The following AGAP1 variants were observed in gnomAD, a reference collection of about 807,000 sequenced individuals.
The protein encoded by AGAP1 is ArfGAP with GTPase domain, ankyrin repeat and PH domain 1, also known as arf-GAP with GTPase, ANK repeat and PH domain-containing protein 1.
Under a neutral mutation model 105.3 loss-of-function variants are expected in AGAP1, and 29 were observed. The observed-to-expected ratio is 0.28, with a 90% CI of 0.21 to 0.38. The LOEUF is 0.38. Ranked by LOEUF, AGAP1 falls within the 10% of genes least tolerant of loss-of-function variation. The probability of loss-of-function intolerance (pLI) is 1.00; values close to 1 mark genes in which losing one functional copy is unlikely to be tolerated. For missense variants in AGAP1, 998 were observed against 1,165.1 expected, an observed-to-expected ratio of 0.86 and a Z score of 2.09; for synonymous variants, 509 against 485.9, an observed-to-expected ratio of 1.05 and a Z score of -0.63.
intron 9 of AGAP1, among the ~76,000 whole-genome samples, chr2:235,841,308 C>T (rs975131710): frequency 2.0e-5 from 3 of 152,114 alleles, no homozygotes; most frequent in Admixed American, 6.6e-5. Context: ...ACTAGGAAAC[C>T]CTAGAGTAGA....
At chr2:235,513,854 G>A (rs1942260080) in intron 1 of AGAP1, among the ~76,000 whole-genome samples, 1 of 152,152 alleles carries the variant, frequency 6.6e-6, no homozygotes, top group Non-Finnish European at 1.5e-5. Flanking sequence ...ATGTCCATGA[G>A]GTTGGAGTCC....
rs184535689 is a variant in AGAP1, at chr2:235,500,676, G to A, written c.163+5827G>A. Among the ~76,000 whole-genome samples, 12 of 152,292 alleles carry A rather than the reference G, an allele frequency of 7.9e-5. No homozygotes were observed. In the East Asian group the frequency reaches 2.3e-3, roughly 29 times the overall value. Reference sequence around the variant, plus strand: ...CGAGGGACTTAAACCAGATCTGAATGGTTTCAAGCTGGTGTTCATGTGATC... The same window carrying A: ...CGAGGGACTTAAACCAGATCTGAATAGTTTCAAGCTGGTGTTCATGTGATC... On this transcript the variant is annotated intron_variant, in intron 1 of 17. Transcript: ENST00000304032.
rs975225398 is a variant in AGAP1 at position 235,747,391 on chromosome 2, G to A, written c.538+2552G>A. ...AGGAAGGCCCCAGGGGAGTGTGTGCGTGTGCGAGGGTGGCCTCTGGGGTTG... is the reference window on the plus strand; with the variant it reads ...AGGAAGGCCCCAGGGGAGTGTGTGCATGTGCGAGGGTGGCCTCTGGGGTTG... On this transcript the variant is annotated intron_variant, in intron 5 of 17. Transcript: ENST00000304032. This position sits in a 1 kb window ranked among gnomAD's most constrained non-coding sequence, Gnocchi z 5.0. Among the ~76,000 whole-genome samples the A allele has an allele frequency of 8.5e-5, 13 of 152,300 alleles. No homozygotes were observed. The highest frequency in any genetic ancestry group is 1.9e-4 in the East Asian group (1 of 5,174).
At chr2:235,811,965 C>A (rs1448656237) in intron 9 of AGAP1, among the ~76,000 whole-genome samples, 1 of 152,192 alleles carries the variant, frequency 6.6e-6, no homozygotes. Context: ...GAGGCAACAG[C>A]CCTGTTGACA....
rs2052523366 is a variant in AGAP1, at chr2:235,927,745, T to C, written c.1325-3020T>C. Among the ~76,000 whole-genome samples the C allele has an allele frequency of 6.6e-6, 1 of 152,232 alleles. No individual in the cohort carries two copies. The highest frequency in any genetic ancestry group is 2.4e-5 in the African/African-American group (1 of 41,458). ...AAAGGAAATTGTTCTGGAAGGTTTC[T>C]AGGCCTGGTTGTCATCGGAGAACCA... On this transcript the variant is annotated intron_variant, in intron 11 of 17. Transcript: ENST00000304032. The surrounding 1 kb of genome is among the most constrained non-coding windows in gnomAD (Gnocchi z 4.4).
In AGAP1 at chr2:236,036,762, G is replaced by T. The variant is rs750225573; in HGVS notation, c.1800+47G>T. On this transcript the variant is annotated intron_variant, in intron 14 of 17. Coordinates refer to ENST00000304032, the MANE Select transcript of AGAP1 (RefSeq NM_001037131.3). This position sits in a 1 kb window ranked among gnomAD's most constrained non-coding sequence, Gnocchi z 5.7. ...AACCAAGGCTGGGGCTGCTCAGGGG[G>T]AGTGCGGGCCCCAAGTAATGCCCCA... is the stretch of plus-strand genomic sequence containing the variant. 4 of 1,609,688 alleles carry T rather than the reference G, an allele frequency of 2.5e-6. No homozygotes were observed. The South Asian group carries it at 4.4e-5, about 18-fold the overall frequency.
chr2:236,032,373 T>A (rs2057249491), intron 13 of AGAP1, among the ~76,000 whole-genome samples: 1 of 152,196 alleles, frequency 6.6e-6, no homozygotes, highest in Non-Finnish European at 1.5e-5. Context: ...AAAGCCTTGC[T>A]CACATCTGGG....
At chr2:235,726,508 T>C (rs968419669) in intron 3 of AGAP1, among the ~76,000 whole-genome samples, 1 of 152,224 alleles carries the variant, frequency 6.6e-6, no homozygotes, top group African/African-American at 2.4e-5. Context: ...TTTACCTGTT[T>C]ATTGCGGATT....
intron 6 of AGAP1, among the ~76,000 whole-genome samples, chr2:235,765,899 G>A (rs1375649179): frequency 1.3e-5 from 2 of 152,138 alleles, no homozygotes; most frequent in Non-Finnish European, 2.9e-5. Flanking sequence ...TACATTTCTG[G>A]CCTGACCTCT....
rs987332471 is a variant in AGAP1, at chr2:235,714,055, C to T, written c.223-3502C>T. On this transcript the variant is annotated intron_variant, in intron 2 of 17. Transcript: ENST00000304032. The surrounding 1 kb of genome is among the most constrained non-coding windows in gnomAD (Gnocchi z 4.1). Reference sequence around the variant, plus strand: ...TTGAGACAGAGTCTCACTCTGTCGCCCAGGCTGGAGTGCGGTGGTGCAATC... The same window carrying T: ...TTGAGACAGAGTCTCACTCTGTCGCTCAGGCTGGAGTGCGGTGGTGCAATC... Among the ~76,000 whole-genome samples, 1 of 152,000 alleles carries T rather than the reference C, an allele frequency of 6.6e-6. No individual in the cohort carries two copies. The highest frequency in any genetic ancestry group is 2.4e-5 in the African/African-American group (1 of 41,382).
rs557074685 is a variant in AGAP1, at chr2:235,680,657, T to G, written c.164-28522T>G. Among the ~76,000 whole-genome samples, 7 of 152,140 alleles carry G rather than the reference T, an allele frequency of 4.6e-5. No homozygotes were observed. The South Asian group carries it at 1.5e-3, about 32-fold the overall frequency. ...TGCTGACAGGGTGAATGTACTAGCA[T>G]AGGTGTGTGCAGCTGGGGCTGTACC... On this transcript the variant is annotated intron_variant, in intron 1 of 17. Transcript: ENST00000304032.
intron 1 of AGAP1, among the ~76,000 whole-genome samples, chr2:235,632,160 G>C (rs1398927811): frequency 4.6e-5 from 7 of 152,220 alleles, no homozygotes; most frequent in Non-Finnish European, 8.8e-5. Context: ...GTGAGAATGT[G>C]TTATCTGCAA....
chr2:235,703,145 C>T (rs1224619211), intron 1 of AGAP1, among the ~76,000 whole-genome samples: 5 of 151,946 alleles, frequency 3.3e-5, no homozygotes, highest in Non-Finnish European at 5.9e-5. Context: ...CCAGGCTGGT[C>T]TCAAATTCCT....
chr2:236,118,278 G>A (rs2059818371), intron 16 of AGAP1, among the ~76,000 whole-genome samples: 1 of 152,044 alleles, frequency 6.6e-6, no homozygotes, highest in Non-Finnish European at 1.5e-5. Context: ...TATTCCCCTG[G>A]AGAAACCTGA....
chr2:235,500,958 C>T (rs1350722622), intron 1 of AGAP1, among the ~76,000 whole-genome samples: 1 of 152,166 alleles, frequency 6.6e-6, no homozygotes, highest in African/African-American at 2.4e-5. Context: ...CACCCTCCCC[C>T]AAACAACCAC....
At chr2:235,515,061 T>C (rs1193090799) in intron 1 of AGAP1, among the ~76,000 whole-genome samples, 2 of 152,200 alleles carry the variant, frequency 1.3e-5, no homozygotes, top group African/African-American at 4.8e-5. Flanking sequence ...TCCTTAAATT[T>C]AGGTAATGTT....
chr2:235,603,569 C>T (rs1945811824), intron 1 of AGAP1, among the ~76,000 whole-genome samples: 1 of 152,194 alleles, frequency 6.6e-6, no homozygotes, highest in South Asian at 2.1e-4. Context: ...GTATAAAAGT[C>T]AGAGAGCAAA....
intron 1 of AGAP1, among the ~76,000 whole-genome samples, chr2:235,496,502 T>C (rs2148992027): frequency 6.6e-6 from 1 of 152,262 alleles, no homozygotes; most frequent in Non-Finnish European, 1.5e-5. Context: ...TGCACGGTGC[T>C]CATTTCAGAT....
In AGAP1 at chr2:236,120,122, C is replaced by T; in HGVS notation, c.2115-70C>T. The T allele has an allele frequency of 6.5e-7, 1 of 1,549,608 alleles. No individual in the cohort carries two copies. Among genetic ancestry groups the T allele is most frequent in the Non-Finnish European group, 8.7e-7 (1 of 1,147,362 alleles). On this transcript the variant is annotated intron_variant, in intron 16 of 17. Coordinates refer to ENST00000304032, the MANE Select transcript of AGAP1 (RefSeq NM_001037131.3). The surrounding 1 kb of genome is among the most constrained non-coding windows in gnomAD (Gnocchi z 6.0). ...TCCCTCTCGGCTTCTCCCGACCACACTGGGCAGGGGCTGGCAGCCTGTGTT... is the reference window on the plus strand; with the variant it reads ...TCCCTCTCGGCTTCTCCCGACCACATTGGGCAGGGGCTGGCAGCCTGTGTT...
Sources: gnomAD v4.1 joint callset for allele counts (sites outside exome capture counted in the v4.1 genomes callset) on GRCh38, gnomAD v4.1.1 for gene constraint, Gnocchi (gnomAD v3.1) non-coding constraint, MANE v1.5 for transcripts, NCBI Gene and HGNC (gene_info 2026-07-23, HGNC 2026-07-21) for gene names.